ROBO2: variants seen among roughly 807,000 people sequenced by gnomAD.
ROBO2 encodes roundabout guidance receptor 2.
Under a neutral mutation model 160.8 loss-of-function variants are expected in ROBO2, and 53 were observed. The ratio of observed to expected loss-of-function variants is 0.33; its 90% CI spans 0.26 to 0.41. The LOEUF (loss-of-function observed/expected upper bound fraction) is 0.41. Ranked by LOEUF, ROBO2 falls within the 10% of genes least tolerant of loss-of-function variation. ROBO2 has a pLI of 1.00. For synonymous variants in ROBO2, 664 were observed against 611.7 expected (o/e 1.09, Z -1.26); for missense variants, 1,577 against 1,722.4 (o/e 0.92, Z 1.49).
intron 2 of ROBO2, among the ~76,000 whole-genome samples, chr3:76,818,831 T>A (rs1167149167): frequency 6.6e-6 from 1 of 152,050 alleles, no homozygotes; most frequent in Non-Finnish European, 1.5e-5. Flanking sequence ...TATTTTTATA[T>A]CACTACCATG....
intron 2 of ROBO2, among the ~76,000 whole-genome samples, chr3:76,871,459 C>CAGG (rs2072060196): frequency 6.8e-6 from 1 of 148,120 alleles, no homozygotes; most frequent in African/African-American, 2.5e-5. Context: ...GAGGCTGAGG[C>CAGG]AGGAGAATGG....
chr3:77,125,835 CATAAA>C (rs1196136001), intron 2 of ROBO2, among the ~76,000 whole-genome samples: 1 of 151,976 alleles, frequency 6.6e-6, no homozygotes, highest in African/African-American at 2.4e-5. Flanking sequence ...TAATTCATAT[CATAAA>C]ATAAACTATA....
chr3:77,521,663 A>G (rs188405645), intron 5 of ROBO2, among the ~76,000 whole-genome samples: 6 of 151,396 alleles, frequency 4.0e-5, no homozygotes, highest in Admixed American at 3.3e-4. Flanking sequence ...CATGATTGGT[A>G]AATAGACAAT....
intron 2 of ROBO2, among the ~76,000 whole-genome samples, chr3:76,007,167 T>C (rs2066044460): frequency 6.6e-6 from 1 of 152,126 alleles, no homozygotes; most frequent in African/African-American, 2.4e-5. Context: ...AATGCAGTTA[T>C]ATATTGCTAT....
At chr3:77,076,934 G>T (rs1578762244) in intron 1 of ROBO2, among the ~76,000 whole-genome samples, 1 of 152,218 alleles carries the variant, frequency 6.6e-6, no homozygotes, top group South Asian at 2.1e-4. Flanking sequence ...GAAGGGATTA[G>T]ATAAAGGGAA....
chr3:76,308,340 G>A (rs1440306047), intron 2 of ROBO2, among the ~76,000 whole-genome samples: 1 of 121,222 alleles, frequency 8.2e-6, no homozygotes, highest in African/African-American at 3.1e-5. Context: ...TCGCACCACT[G>A]CCCTCCAGCC....
At chr3:76,781,120 G>C (rs1005319103) in intron 2 of ROBO2, among the ~76,000 whole-genome samples, 2 of 150,450 alleles carry the variant, frequency 1.3e-5, no homozygotes, top group African/African-American at 2.4e-5. Context: ...TTCAAGAATA[G>C]CTCTCTTACC....
chr3:77,518,308 G>T (rs1026600515), intron 5 of ROBO2, among the ~76,000 whole-genome samples: 3 of 151,398 alleles, frequency 2.0e-5, no homozygotes, highest in Admixed American at 6.6e-5. Flanking sequence ...AGCCTAACGA[G>T]TCAATCACTT....
At chr3:76,394,633 C>G (rs549209059) in intron 2 of ROBO2, among the ~76,000 whole-genome samples, 1 of 151,856 alleles carries the variant, frequency 6.6e-6, no homozygotes, top group Middle Eastern at 3.2e-3. Context: ...ATCTTTGTGG[C>G]GTTCTCTGTA....
rs1415590181 is a variant in ROBO2 at position 77,527,337 on chromosome 3, A to T, written c.934+4435A>T. ...GTAACATTACACATCATGCATTCTGATAATTTTTCTTTCTTTTTTTTAATT... is the reference window on the plus strand; with the variant it reads ...GTAACATTACACATCATGCATTCTGTTAATTTTTCTTTCTTTTTTTTAATT... On this transcript the variant is annotated intron_variant, in intron 6 of 25. Transcript: ENST00000461745. 3.4e-6 allele frequency: 4 copies of T among 1,191,240 alleles called. No individual in the cohort carries two copies. The African/African-American group carries it at 6.3e-5, about 19-fold the overall frequency. 73.8% of individuals were successfully genotyped at this position (1,191,240 alleles called of 1,614,324 possible).
intron 9 of ROBO2, among the ~76,000 whole-genome samples, chr3:77,559,453 A>G (rs2093248625): frequency 1.3e-5 from 2 of 152,080 alleles, no homozygotes; most frequent in African/African-American, 2.4e-5. Context: ...TGGGGATGAG[A>G]CCCAGAACTA....
chr3:76,998,418 G>A (rs997971703), intron 2 of ROBO2, among the ~76,000 whole-genome samples: 1 of 151,878 alleles, frequency 6.6e-6, no homozygotes, highest in African/African-American at 2.4e-5. Context: ...AAAGACAAAG[G>A]TCCTAGTCTC....
chr3:76,451,797 A>G (rs950591345), intron 2 of ROBO2, among the ~76,000 whole-genome samples: 5 of 152,180 alleles, frequency 3.3e-5, no homozygotes, highest in African/African-American at 4.8e-5. Context: ...ATTCTTTCCT[A>G]TGGATCACAG....
chr3:77,376,154 CT>C (rs11425201), intron 2 of ROBO2, among the ~76,000 whole-genome samples: 108 of 115,542 alleles, frequency 9.3e-4, no homozygotes, highest in Middle Eastern at 5.1e-3. Flanking sequence ...ATTTAACTTT[CT>C]TTTTTTTTTT....
chr3:76,884,076 G>A (rs2073637871), intron 2 of ROBO2, among the ~76,000 whole-genome samples: 1 of 152,126 alleles, frequency 6.6e-6, no homozygotes, highest in African/African-American at 2.4e-5. Context: ...ATAGGCATAA[G>A]CATTATTATG....
chr3:77,310,220 A>T (rs1254952094), intron 2 of ROBO2, among the ~76,000 whole-genome samples: 2 of 152,146 alleles, frequency 1.3e-5, no homozygotes, highest in African/African-American at 2.4e-5. Context: ...AATTGTCCTT[A>T]AAAAGCTAAA....
chr3:77,208,500 A>G (rs1300893806), intron 2 of ROBO2, among the ~76,000 whole-genome samples: 4 of 152,218 alleles, frequency 2.6e-5, no homozygotes, highest in Non-Finnish European at 2.9e-5. Context: ...AAACAGTACT[A>G]GAATTGTCAG....
intron 2 of ROBO2, among the ~76,000 whole-genome samples, chr3:77,128,409 G>C (rs1187316044): frequency 6.6e-6 from 1 of 152,146 alleles, no homozygotes. Flanking sequence ...ACTATCCCTG[G>C]TTTCAGATAT....
intron 5 of ROBO2, among the ~76,000 whole-genome samples, chr3:77,520,625 G>C (rs2153626648): frequency 6.6e-6 from 1 of 151,162 alleles, no homozygotes; most frequent in South Asian, 2.1e-4. Context: ...AAAAAACTCA[G>C]CTATAGGGCA....
Sources: allele counts gnomAD v4.1 joint callset (sites outside exome capture counted in the v4.1 genomes callset), GRCh38; gene constraint gnomAD v4.1.1; transcripts MANE v1.5; gene names NCBI Gene and HGNC (gene_info 2026-07-23, HGNC 2026-07-21).